The following LINGO2 variants were observed in gnomAD, a reference collection of about 807,000 sequenced individuals.
LINGO2 encodes leucine-rich repeat and immunoglobulin-like domain-containing nogo receptor-interacting protein 2.
A neutral mutation model predicts 30.6 loss-of-function variants in LINGO2; 14 were observed. The ratio of observed to expected loss-of-function variants is 0.46; its 90% CI spans 0.30 to 0.72. The LOEUF (loss-of-function observed/expected upper bound fraction) is 0.72, where lower values mean the gene tolerates loss of function less well. Among genes scored for constraint, LINGO2 ranks in the 30% least tolerant of loss-of-function variants. The probability of loss-of-function intolerance (pLI) is 0.07; values close to 1 mark genes in which losing one functional copy is unlikely to be tolerated. For synonymous variants in LINGO2, 317 were observed against 288.5 expected (o/e 1.10, Z -1.00); for missense variants, 729 against 751.7 (o/e 0.97, Z 0.35).
At chr9:28,142,497 C>T (rs899979038) in intron 4 of LINGO2, among the ~76,000 whole-genome samples, 5 of 151,998 alleles carry the variant, frequency 3.3e-5, no homozygotes, top group African/African-American at 2.4e-5. Context: ...ATTTCATGTC[C>T]ATAGCAAAGG....
chr9:28,253,718 C>CT (rs1368683897), intron 4 of LINGO2, among the ~76,000 whole-genome samples: 3 of 152,142 alleles, frequency 2.0e-5, no homozygotes, highest in Non-Finnish European at 4.4e-5. Context: ...AACCTGCGGC[C>CT]TGGGGCAACC....
intron 4 of LINGO2, among the ~76,000 whole-genome samples, chr9:28,211,614 G>T (rs552587264): frequency 6.6e-6 from 1 of 151,500 alleles, no homozygotes; most frequent in Non-Finnish European, 1.5e-5. Flanking sequence ...TATATCTTCT[G>T]CAAACTTTTT....
chr9:28,968,457 T>C, the LINGO2 span, among the ~76,000 whole-genome samples: 97 of 152,284 alleles, frequency 6.4e-4, no homozygotes, highest in Admixed American at 2.6e-3. Flanking sequence ...AAAAATCTCA[T>C]TGTAATGAAA....
chr9:28,517,770 T>C (rs1007823338), intron 1 of LINGO2, among the ~76,000 whole-genome samples: 1 of 152,156 alleles, frequency 6.6e-6, no homozygotes, highest in Non-Finnish European at 1.5e-5. Flanking sequence ...GCTTGAAGCA[T>C]ATTTTCACAC....
At chr9:28,540,047 T>G (rs1349313378) in intron 1 of LINGO2, among the ~76,000 whole-genome samples, 1 of 151,988 alleles carries the variant, frequency 6.6e-6, no homozygotes, top group Non-Finnish European at 1.5e-5. Flanking sequence ...TAGGGTTAAG[T>G]GGTGTGGGGA....
At chr9:28,790,535 C>T in the LINGO2 span, among the ~76,000 whole-genome samples, 1 of 151,274 alleles carries the variant, frequency 6.6e-6, no homozygotes, top group Non-Finnish European at 1.5e-5. Flanking sequence ...AGGATTTCAC[C>T]GTGTTAGCCA....
chr9:28,135,152 A>G (rs977822486), intron 4 of LINGO2, among the ~76,000 whole-genome samples: 8 of 152,226 alleles, frequency 5.3e-5, no homozygotes, highest in African/African-American at 1.9e-4. Context: ...AATCTCAAGA[A>G]AAAAATCACA....
At chr9:29,117,964 A>G in the LINGO2 span, among the ~76,000 whole-genome samples, 2 of 152,336 alleles carry the variant, frequency 1.3e-5, no homozygotes, top group African/African-American at 4.8e-5. Flanking sequence ...ACATATTTCT[A>G]AATATCAGGA....
At chr9:28,028,003 T>A (rs1823467258) in intron 4 of LINGO2, among the ~76,000 whole-genome samples, 1 of 151,786 alleles carries the variant, frequency 6.6e-6, no homozygotes, top group Non-Finnish European at 1.5e-5. Flanking sequence ...AATGGAGGTT[T>A]TTTCTTGACC....
chr9:28,163,715 T>C (rs1828350453), intron 4 of LINGO2, among the ~76,000 whole-genome samples: 1 of 152,264 alleles, frequency 6.6e-6, no homozygotes, highest in South Asian at 2.1e-4. Flanking sequence ...CAAGTTACTT[T>C]TTCTTTTTTG....
intron 5 of LINGO2, among the ~76,000 whole-genome samples, chr9:27,991,263 C>T (rs1451629449): frequency 6.6e-6 from 1 of 151,910 alleles, no homozygotes; most frequent in Non-Finnish European, 1.5e-5. Context: ...TTTTTCCATA[C>T]TGAGGTGAGT....
At chr9:28,348,056 T>C (rs933085792) in intron 3 of LINGO2, among the ~76,000 whole-genome samples, 2 of 152,272 alleles carry the variant, frequency 1.3e-5, no homozygotes, top group Admixed American at 6.5e-5. Flanking sequence ...AAACAGGTCA[T>C]AGGATTGTAG....
chr9:28,759,554 C>A, the LINGO2 span, among the ~76,000 whole-genome samples: 8 of 151,780 alleles, frequency 5.3e-5, no homozygotes, highest in East Asian at 1.6e-3. Flanking sequence ...TGGTGACAGG[C>A]GCCTGCAGTC....
At chr9:28,151,274 A>C (rs1827992922) in intron 4 of LINGO2, among the ~76,000 whole-genome samples, 2 of 152,096 alleles carry the variant, frequency 1.3e-5, no homozygotes, top group African/African-American at 4.8e-5. Flanking sequence ...TGATAGAAAA[A>C]AGACTAAAAT....
intron 2 of LINGO2, among the ~76,000 whole-genome samples, chr9:28,456,717 C>A (rs886693814): frequency 6.6e-6 from 1 of 152,066 alleles, no homozygotes; most frequent in Admixed American, 6.6e-5. Flanking sequence ...ACTGAACATA[C>A]AAACATAAGA....
chr9:28,627,707 C>A (rs1379948270), intron 1 of LINGO2, among the ~76,000 whole-genome samples: 1 of 151,958 alleles, frequency 6.6e-6, no homozygotes, highest in East Asian at 1.9e-4. Context: ...ACTGAGAGTT[C>A]TTAATTATAT....
the LINGO2 span, among the ~76,000 whole-genome samples, chr9:28,898,513 C>T: frequency 6.6e-6 from 1 of 152,042 alleles, no homozygotes; most frequent in Non-Finnish European, 1.5e-5. Context: ...CGAGGTTTTC[C>T]GTCAGCCAGA....
At chr9:28,896,348 T>C in the LINGO2 span, among the ~76,000 whole-genome samples, 1 of 152,188 alleles carries the variant, frequency 6.6e-6, no homozygotes. Flanking sequence ...TGCGGCTTTA[T>C]TTTAGTTCAT....
At position 28,275,033 on chromosome 9, in the gene LINGO2, T is replaced by C. The variant is rs151328487; in HGVS notation, c.-87+20175A>G. Among the ~76,000 whole-genome samples, 432 of 152,212 alleles carry C rather than the reference T, an allele frequency of 2.8e-3. 2 individuals carry two copies. The highest frequency in any genetic ancestry group is 1.0e-2 in the African/African-American group (414 of 41,544). On this transcript the variant is annotated intron_variant, in intron 4 of 5. Coordinates refer to ENST00000379992, the Ensembl canonical transcript of LINGO2. Reference sequence around the variant, plus strand: ...CGTCTTAAGTCATGTCTGTTTCTAGTTCAGAATGCTGGTCTTGTCTACTCT... The same window carrying C: ...CGTCTTAAGTCATGTCTGTTTCTAGCTCAGAATGCTGGTCTTGTCTACTCT...
Sources: gnomAD v4.1 joint callset for allele counts (sites outside exome capture counted in the v4.1 genomes callset) on GRCh38, gnomAD v4.1.1 for gene constraint, MANE v1.5 for transcripts, NCBI Gene and HGNC (gene_info 2026-07-23, HGNC 2026-07-21) for gene names.